Variants in ASCC3 observed in about 807,000 individuals in gnomAD.
ASCC3 encodes the protein ASC-1 complex subunit P200.
ASCC3 carries 158 observed loss-of-function variants against 256.3 expected under a neutral mutation model. The ratio of observed to expected loss-of-function variants is 0.62; its 90% CI spans 0.54 to 0.70. The LOEUF is 0.70. Among genes scored for constraint, ASCC3 ranks in the 30% least tolerant of loss-of-function variants. The pLI is 0.00. For synonymous variants in ASCC3, 948 were observed against 883.4 expected (o/e 1.07, Z -1.30); for missense variants, 2,259 against 2,626.0 (o/e 0.86, Z 3.05).
At chr6:100,640,439 T>A (rs239248) in intron 24 of ASCC3, among the ~76,000 whole-genome samples, 85,521 of 151,880 alleles carry the variant, frequency 0.56, 24,295 homozygotes, top group East Asian at 0.73. Context: ...GTTTTTAAAA[T>A]TGTAGTCAGA....
chr6:100,756,516 T>C (rs938652075), intron 10 of ASCC3, among the ~76,000 whole-genome samples: 2 of 152,144 alleles, frequency 1.3e-5, no homozygotes, highest in East Asian at 3.8e-4. Flanking sequence ...ATTGTAACCT[T>C]CACTCAATAA....
chr6:100,826,786 A>C, intron 4 of ASCC3, among the ~76,000 whole-genome samples: 1 of 152,314 alleles, frequency 6.6e-6, no homozygotes, highest in Non-Finnish European at 1.5e-5. Context: ...CAAAATTCAG[A>C]GTAAGGTTTT....
Position 100,625,289 on chromosome 6 carries a change from G to A in ASCC3, c.4688C>T (p.Ser1563Leu), listed in dbSNP as rs1172055524. Residue 1563 changes from serine (S) to leucine (L), a missense_variant, in exon 30 of 42, where the codon TCA becomes TTA. Ser to Leu is a moderately radical substitution (Grantham distance 145, BLOSUM62 -2). Around this residue, in one of 2 missense-constraint regions of ASCC3, gnomAD observed 1,839 missense variants for 2,206.7 expected, o/e 0.83. Coordinates refer to ENST00000369162, the MANE Select transcript of ASCC3 (RefSeq NM_006828.4). ...SPAKPVLIFV[S>L]SRRQTRLTAL... ...AGTAAGACGAGTTTGACGTCTTGATGAGACAAATATCAAAACAGGTTTGGC... is the reference window on the plus strand; with the variant it reads ...AGTAAGACGAGTTTGACGTCTTGATAAGACAAATATCAAAACAGGTTTGGC... 1 of 1,612,822 alleles carries A rather than the reference G, an allele frequency of 6.2e-7. No individual in the cohort carries two copies. Among genetic ancestry groups the A allele is most frequent in the Non-Finnish European group, 8.5e-7 (1 of 1,179,230 alleles).
intron 10 of ASCC3, among the ~76,000 whole-genome samples, chr6:100,730,755 A>C (rs1012720428): frequency 6.6e-6 from 1 of 152,202 alleles, no homozygotes; most frequent in African/African-American, 2.4e-5. Context: ...GGAATCTGAC[A>C]GCTTGCAGAT....
intron 3 of ASCC3, chr6:100,857,605 A>T (rs181921425): frequency 1.8e-4 from 28 of 152,080 alleles, no homozygotes; most frequent in African/African-American, 6.5e-4. Flanking sequence ...ATACTGAAAA[A>T]ATAGCCTTGT....
chr6:100,609,999 A>T (rs1773311662), intron 30 of ASCC3, among the ~76,000 whole-genome samples: 1 of 152,186 alleles, frequency 6.6e-6, no homozygotes, highest in South Asian at 2.1e-4. Flanking sequence ...GGCACAGCAT[A>T]AGGAAGTTCT....
At chr6:100,834,204 C>T (rs549999256) in intron 4 of ASCC3, among the ~76,000 whole-genome samples, 3 of 152,130 alleles carry the variant, frequency 2.0e-5, no homozygotes, top group Admixed American at 6.5e-5. Context: ...GTCATTAGGT[C>T]GTAAAATATA....
intron 10 of ASCC3, among the ~76,000 whole-genome samples, chr6:100,749,306 A>C (rs1433979989): frequency 6.6e-6 from 1 of 152,020 alleles, no homozygotes; most frequent in Non-Finnish European, 1.5e-5. Context: ...GTATTTAATA[A>C]TATGCAAAAA....
intron 1 of ASCC3, among the ~76,000 whole-genome samples, chr6:100,871,095 T>TC (rs1243192070): frequency 6.6e-6 from 1 of 150,982 alleles, no homozygotes; most frequent in East Asian, 1.9e-4. Context: ...TGTCTTTTAT[T>TC]CTTTTTTTTT....
intron 13 of ASCC3, among the ~76,000 whole-genome samples, chr6:100,697,093 T>C (rs1460705539): frequency 2.6e-5 from 4 of 152,134 alleles, no homozygotes; most frequent in African/African-American, 9.6e-5. Context: ...TCTACTTTTA[T>C]GTAGCAAGTC....
At position 100,864,162 on chromosome 6, in the gene ASCC3, T is replaced by C; in HGVS notation, c.143A>G (p.Lys48Arg). 6 of 1,608,512 alleles carry C rather than the reference T, an allele frequency of 3.7e-6. No individual in the cohort carries two copies. The highest frequency in any genetic ancestry group is 5.1e-6 in the Non-Finnish European group (6 of 1,176,610). ...TTCATTCAAAAATTTTATTATCTTC[T>C]TCCATGTCAGGCCCAAATCTAAAAC... ...EQVLDLGLTW[K>R]KIIKFLNEKL... The change falls in exon 3 of 42, where the codon AAG (lysine) becomes AGG (arginine). Residue 48 changes from lysine (K) to arginine (R), a missense_variant. Transcript: ENST00000369162.
At chr6:100,723,927 A>T (rs1020165905) in intron 11 of ASCC3, among the ~76,000 whole-genome samples, 21 of 140,792 alleles carry the variant, frequency 1.5e-4, no homozygotes, top group Non-Finnish European at 3.1e-4. Flanking sequence ...ACATATATAT[A>T]ATATATATAT....
Position 100,714,378 on chromosome 6 carries a change from G to A in ASCC3, c.2151+1084C>T, listed in dbSNP as rs541808356. Among the ~76,000 whole-genome samples the A allele has an allele frequency of 1.1e-4, 16 of 151,802 alleles. No individual in the cohort carries two copies. The South Asian group carries it at 3.1e-3, about 30-fold the overall frequency. Reference sequence around the variant, plus strand: ...AACTCACAAAATAGTTTTTTATGAGGGTCAAAGGAGAACAATGACATAAAA... The same window carrying A: ...AACTCACAAAATAGTTTTTTATGAGAGTCAAAGGAGAACAATGACATAAAA... On this transcript the variant is annotated intron_variant, in intron 13 of 41. Transcript: ENST00000369162.
At chr6:100,557,478 C>T (rs1257761639) in intron 36 of ASCC3, among the ~76,000 whole-genome samples, 1 of 151,990 alleles carries the variant, frequency 6.6e-6, no homozygotes, top group Non-Finnish European at 1.5e-5. Flanking sequence ...TAAATGAACT[C>T]ATTATAATAA....
At position 100,864,129 on chromosome 6, in the gene ASCC3, T is replaced by C. The variant is rs757903799; in HGVS notation, c.176A>G (p.Glu59Gly). 28 of 1,605,814 alleles carry C rather than the reference T, an allele frequency of 1.7e-5. No homozygotes were observed. Among genetic ancestry groups the C allele is most frequent in the Non-Finnish European group, 2.3e-5 (27 of 1,174,468 alleles). ...KIIKFLNEKLEKSKMQSINED... is the reference protein window; with the variant it reads ...KIIKFLNEKLGKSKMQSINED... ...ATTTATACTTTGCATTTTACTCTTC[T>C]CCAGTTTTTCATTCAAAAATTTTAT... Residue 59 changes from glutamate to glycine, a missense_variant, in exon 3 of 42, where the codon GAG becomes GGG. Coordinates refer to ENST00000369162, the MANE Select transcript of ASCC3 (RefSeq NM_006828.4).
At chr6:100,534,277 CCAAA>C (rs1775057749) in intron 37 of ASCC3, among the ~76,000 whole-genome samples, 3 of 152,152 alleles carry the variant, frequency 2.0e-5, no homozygotes, top group East Asian at 1.9e-4. Context: ...TCAAAACCAA[CCAAA>C]CAAACAAAAA....
At chr6:100,796,664 G>A (rs1017353673) in intron 8 of ASCC3, among the ~76,000 whole-genome samples, 9 of 152,128 alleles carry the variant, frequency 5.9e-5, no homozygotes, top group Admixed American at 2.0e-4. Flanking sequence ...CTACCTGCAA[G>A]CCAGGAAGAA....
At chr6:100,698,819 A>G (rs964878396) in intron 13 of ASCC3, among the ~76,000 whole-genome samples, 3 of 152,106 alleles carry the variant, frequency 2.0e-5, no homozygotes, top group African/African-American at 7.2e-5. Flanking sequence ...CTCTACTTTC[A>G]GCTTACCAAA....
chr6:100,674,006 C>T (rs1325267916), intron 14 of ASCC3, among the ~76,000 whole-genome samples: 1 of 152,084 alleles, frequency 6.6e-6, no homozygotes, highest in Non-Finnish European at 1.5e-5. Flanking sequence ...TAATCTGCTT[C>T]TCTTTTACAT....
Sources: gnomAD v4.1 joint callset for allele counts (sites outside exome capture counted in the v4.1 genomes callset) on GRCh38, gnomAD v4.1.1 for gene constraint, gnomAD v4.1.1 regional missense constraint, MANE v1.5 for transcripts, NCBI Gene and HGNC (gene_info 2026-07-23, HGNC 2026-07-21) for gene names.